Variants in KIAA0825 observed in about 807,000 individuals in gnomAD.
KIAA0825 encodes the protein uncharacterized protein KIAA0825.
Under a neutral mutation model 147.6 loss-of-function variants are expected in KIAA0825, and 119 were observed. The ratio of observed to expected loss-of-function variants is 0.81; its 90% CI spans 0.69 to 0.94. The LOEUF is 0.94. Ranked by LOEUF, KIAA0825 falls within the 40% of genes least tolerant of loss-of-function variation. The pLI, the probability that KIAA0825 is intolerant of heterozygous loss-of-function variation, is 0.00. For missense variants in KIAA0825, 1,381 were observed against 1,472.7 expected, an observed-to-expected ratio of 0.94 and a Z score of 1.02; for synonymous variants, 470 against 518.1, an observed-to-expected ratio of 0.91 and a Z score of 1.26.
At chr5:94,427,774 G>A (rs1755080131) in intron 14 of KIAA0825, among the ~76,000 whole-genome samples, 1 of 152,006 alleles carries the variant, frequency 6.6e-6, no homozygotes, top group Non-Finnish European at 1.5e-5. Flanking sequence ...CTATTTTTGT[G>A]TGGCTGTCTA....
At chr5:94,574,702 T>C (rs1213375809) in intron 2 of KIAA0825, among the ~76,000 whole-genome samples, 2 of 152,126 alleles carry the variant, frequency 1.3e-5, no homozygotes, top group Non-Finnish European at 2.9e-5. Context: ...AATTATGTCT[T>C]CATTTTTTTT....
chr5:94,271,366 A>C (rs985612473), intron 20 of KIAA0825, among the ~76,000 whole-genome samples: 1 of 152,202 alleles, frequency 6.6e-6, no homozygotes, highest in Non-Finnish European at 1.5e-5. Context: ...CAAACTACCT[A>C]TCTAACAAGG....
intron 20 of KIAA0825, among the ~76,000 whole-genome samples, chr5:94,234,270 C>A (rs897495692): frequency 6.6e-5 from 10 of 151,824 alleles, no homozygotes; most frequent in African/African-American, 2.4e-4. Context: ...ACGCGGGAGG[C>A]TGAGGCAGGA....
chr5:94,409,546 C>A (rs1485976590), intron 15 of KIAA0825, among the ~76,000 whole-genome samples: 1 of 151,916 alleles, frequency 6.6e-6, no homozygotes, highest in Non-Finnish European at 1.5e-5. Context: ...CTCCAGAAAT[C>A]TGCATAAAGT....
intron 20 of KIAA0825, among the ~76,000 whole-genome samples, chr5:94,334,002 A>G (rs1035275183): frequency 6.6e-6 from 1 of 152,140 alleles, no homozygotes. Context: ...GGAAGAATCA[A>G]TATCATGAAA....
intron 20 of KIAA0825, among the ~76,000 whole-genome samples, chr5:94,209,890 CA>C (rs1261389186): frequency 6.6e-6 from 1 of 152,172 alleles, no homozygotes; most frequent in Non-Finnish European, 1.5e-5. Flanking sequence ...TGAACCGATT[CA>C]CCACCCAGGT....
intron 1 of KIAA0825, among the ~76,000 whole-genome samples, chr5:94,596,068 T>C (rs564131050): frequency 1.3e-5 from 2 of 152,356 alleles, no homozygotes; most frequent in African/African-American, 4.8e-5. Context: ...GATGGTTTCT[T>C]TTGCTGTGCA....
At chr5:94,605,948 A>G (rs532707732) in intron 1 of KIAA0825, among the ~76,000 whole-genome samples, 22 of 152,350 alleles carry the variant, frequency 1.4e-4, no homozygotes, top group African/African-American at 5.3e-4. Flanking sequence ...AAGGGCTTCC[A>G]AATAGGAACA....
At chr5:94,379,019 C>T (rs183011134) in intron 20 of KIAA0825, among the ~76,000 whole-genome samples, 1 of 152,222 alleles carries the variant, frequency 6.6e-6, no homozygotes, top group East Asian at 1.9e-4. Flanking sequence ...TTGTCAGATG[C>T]ATAGTTTGCA....
At chr5:94,463,935 G>C (rs555663955) in intron 11 of KIAA0825, among the ~76,000 whole-genome samples, 1 of 151,774 alleles carries the variant, frequency 6.6e-6, no homozygotes, top group South Asian at 2.1e-4. Flanking sequence ...TTTTTTAAAA[G>C]AGTCTGGTCA....
At chr5:94,364,870 T>C (rs140378342) in intron 20 of KIAA0825, among the ~76,000 whole-genome samples, 3 of 152,066 alleles carry the variant, frequency 2.0e-5, no homozygotes, top group South Asian at 4.2e-4. Flanking sequence ...CCTGCAGACA[T>C]AGAAAGGCAA....
At chr5:94,280,299 C>G (rs1213914389) in intron 20 of KIAA0825, among the ~76,000 whole-genome samples, 2 of 152,028 alleles carry the variant, frequency 1.3e-5, no homozygotes, top group Admixed American at 1.3e-4. Context: ...CTGTACTATA[C>G]CAGAAATACA....
intron 10 of KIAA0825, among the ~76,000 whole-genome samples, chr5:94,467,915 T>C (rs1240299170): frequency 2.0e-5 from 3 of 152,188 alleles, no homozygotes; most frequent in Non-Finnish European, 4.4e-5. Context: ...GGTACTCCAG[T>C]TGTCAAAACA....
intron 2 of KIAA0825, among the ~76,000 whole-genome samples, chr5:94,561,931 A>G (rs1439187538): frequency 1.3e-5 from 2 of 152,194 alleles, no homozygotes; most frequent in Non-Finnish European, 2.9e-5. Context: ...ACGTAACTTG[A>G]GTATTATTAA....
chr5:94,369,642 CT>C (rs1321216613), intron 20 of KIAA0825, among the ~76,000 whole-genome samples: 1 of 152,076 alleles, frequency 6.6e-6, no homozygotes, highest in African/African-American at 2.4e-5. Flanking sequence ...TAACTGGGGC[CT>C]GAGGCAAGGA....
rs549113223 is a variant in KIAA0825, at chr5:94,580,595, G to A, written c.-2+1838C>T. Among the ~76,000 whole-genome samples, 5 of 37,172 alleles carry A rather than the reference G, an allele frequency of 1.3e-4. 1 individual carries two copies. In the East Asian group the frequency reaches 2.5e-3, roughly 18 times the overall value. 24.4% of individuals were successfully genotyped at this position (37,172 alleles called of 152,430 possible). A position where few individuals can be genotyped will look rare whatever the true frequency, so the allele number is the denominator to read the frequency against. ...AGGTTTTTTAAAAAATGCATAACAC[G>A]GCCGGGCGCGGTGGCTCACGCCTGT... On this transcript the variant is annotated intron_variant, in intron 2 of 20. Coordinates refer to ENST00000682413, the MANE Select transcript of KIAA0825 (RefSeq NM_001145678.3).
At chr5:94,265,648 A>T (rs1174848729) in intron 20 of KIAA0825, among the ~76,000 whole-genome samples, 1 of 152,116 alleles carries the variant, frequency 6.6e-6, no homozygotes, top group Non-Finnish European at 1.5e-5. Context: ...AAAATACAAA[A>T]AAATTAGCTA....
At chr5:94,552,877 T>A (rs1051800245) in intron 2 of KIAA0825, among the ~76,000 whole-genome samples, 1 of 151,942 alleles carries the variant, frequency 6.6e-6, no homozygotes, top group African/African-American at 2.4e-5. Flanking sequence ...AGGTAAGGGG[T>A]AAAGAAAGGA....
intron 7 of KIAA0825, among the ~76,000 whole-genome samples, chr5:94,475,591 T>C (rs148534788): frequency 6.6e-6 from 1 of 152,168 alleles, no homozygotes; most frequent in Non-Finnish European, 1.5e-5. Context: ...GCGGATCACC[T>C]GAGGTCAGGA....
Sources: allele counts gnomAD v4.1 joint callset (sites outside exome capture counted in the v4.1 genomes callset), GRCh38; gene constraint gnomAD v4.1.1; transcripts MANE v1.5; gene names NCBI Gene and HGNC (gene_info 2026-07-23, HGNC 2026-07-21).